GPC6: variants seen among roughly 807,000 people sequenced by gnomAD.
GPC6 encodes the protein glypican-6.
In GPC6, 14 loss-of-function variants were observed where a neutral mutation model predicts 55.2. The observed-to-expected ratio is 0.25, with a 90% CI of 0.17 to 0.40. The LOEUF (loss-of-function observed/expected upper bound fraction) is 0.40, where lower values mean the gene tolerates loss of function less well. Ranked by LOEUF, GPC6 falls within the 10% of genes least tolerant of loss-of-function variation. The probability of loss-of-function intolerance (pLI) is 1.00; values close to 1 mark genes in which losing one functional copy is unlikely to be tolerated. For missense variants in GPC6, 641 were observed against 708.5 expected, an observed-to-expected ratio of 0.90 and a Z score of 1.08; for synonymous variants, 278 against 259.6, an observed-to-expected ratio of 1.07 and a Z score of -0.68.
chr13:93,766,053 T>C (rs761179454), intron 2 of GPC6, among the ~76,000 whole-genome samples: 13 of 152,148 alleles, frequency 8.5e-5, no homozygotes, highest in Non-Finnish European at 1.6e-4. Flanking sequence ...ATACCATGGG[T>C]GTTCTGATAT....
chr13:94,256,385 G>A (rs993475415), intron 4 of GPC6, among the ~76,000 whole-genome samples: 9 of 152,126 alleles, frequency 5.9e-5, no homozygotes, highest in African/African-American at 1.9e-4. Flanking sequence ...TTTTTCCTGG[G>A]TGCATAAGAT....
chr13:94,242,630 C>T (rs914215687), intron 4 of GPC6, among the ~76,000 whole-genome samples: 1 of 152,032 alleles, frequency 6.6e-6, no homozygotes, highest in Admixed American at 6.6e-5. Context: ...CTAAAGCTGG[C>T]TCCTGTGTTT....
intron 3 of GPC6, among the ~76,000 whole-genome samples, chr13:93,932,822 A>G (rs1878242900): frequency 6.6e-6 from 1 of 152,142 alleles, no homozygotes. Context: ...TTTATTTTCT[A>G]GGGCCACTGT....
At chr13:94,344,675 C>T (rs950788264) in intron 6 of GPC6, among the ~76,000 whole-genome samples, 11 of 152,206 alleles carry the variant, frequency 7.2e-5, no homozygotes, top group South Asian at 2.1e-4. Flanking sequence ...CTCCAGCCCC[C>T]GCTAACACCG....
intron 6 of GPC6, among the ~76,000 whole-genome samples, chr13:94,323,725 C>T (rs1876964996): frequency 6.6e-6 from 1 of 152,092 alleles, no homozygotes; most frequent in Non-Finnish European, 1.5e-5. Context: ...TGCACTTGAA[C>T]CCTTTAAACT....
chr13:94,291,072 A>C (rs955760056), intron 5 of GPC6, among the ~76,000 whole-genome samples: 6 of 152,152 alleles, frequency 3.9e-5, no homozygotes, highest in Admixed American at 2.0e-4. Flanking sequence ...CATGCCTGTT[A>C]ATCCCAGCTA....
At chr13:93,745,121 C>T (rs2138854705) in intron 2 of GPC6, among the ~76,000 whole-genome samples, 1 of 152,192 alleles carries the variant, frequency 6.6e-6, no homozygotes, top group African/African-American at 2.4e-5. Flanking sequence ...AGCTCATTCC[C>T]TGGACAAACC....
intron 4 of GPC6, among the ~76,000 whole-genome samples, chr13:94,200,655 G>A (rs1352732257): frequency 1.3e-5 from 2 of 152,168 alleles, no homozygotes; most frequent in Non-Finnish European, 2.9e-5. Flanking sequence ...AGACTTTAGG[G>A]ACATGATAGT....
chr13:93,346,752 T>C (rs1880443869), intron 1 of GPC6, among the ~76,000 whole-genome samples: 1 of 152,220 alleles, frequency 6.6e-6, no homozygotes, highest in South Asian at 2.1e-4. Flanking sequence ...ATAAGTTTTC[T>C]ACATGGGTTT....
intron 2 of GPC6, among the ~76,000 whole-genome samples, chr13:93,815,669 C>A (rs973438324): frequency 3.3e-5 from 5 of 152,086 alleles, no homozygotes; most frequent in African/African-American, 1.2e-4. Flanking sequence ...TAAATTTAAT[C>A]AATGTTAAGC....
chr13:93,340,888 G>A (rs919478665), intron 1 of GPC6, among the ~76,000 whole-genome samples: 3 of 152,080 alleles, frequency 2.0e-5, no homozygotes, highest in South Asian at 2.1e-4. Context: ...ACCTACCACC[G>A]GAGTACTATA....
intron 3 of GPC6, among the ~76,000 whole-genome samples, chr13:93,986,707 C>T (rs1459026586): frequency 1.3e-5 from 2 of 152,124 alleles, no homozygotes; most frequent in African/African-American, 4.8e-5. Flanking sequence ...AAAATGATCA[C>T]TATTCACCAT....
chr13:94,043,014 C>T (rs1883595659), intron 4 of GPC6, among the ~76,000 whole-genome samples: 1 of 151,766 alleles, frequency 6.6e-6, no homozygotes, highest in Admixed American at 6.6e-5. Context: ...TTTTGTTGCT[C>T]AAATTGTTCC....
intron 5 of GPC6, among the ~76,000 whole-genome samples, chr13:94,289,243 TAAAAAG>T (rs900201035): frequency 6.6e-6 from 1 of 151,688 alleles, no homozygotes; most frequent in Non-Finnish European, 1.5e-5. Flanking sequence ...AGCTTAAAGG[TAAAAAG>T]AAAAAGAAAA....
chr13:93,264,421 A>G (rs1877255260), intron 1 of GPC6, among the ~76,000 whole-genome samples: 1 of 151,940 alleles, frequency 6.6e-6, no homozygotes, highest in South Asian at 2.1e-4. Flanking sequence ...ATTTATTATT[A>G]TTTTTTGAGA....
At chr13:93,418,259 G>A (rs1330080660) in intron 1 of GPC6, among the ~76,000 whole-genome samples, 1 of 151,216 alleles carries the variant, frequency 6.6e-6, no homozygotes, top group Non-Finnish European at 1.5e-5. Flanking sequence ...AACCCCTCAA[G>A]CATTTATCCT....
intron 4 of GPC6, among the ~76,000 whole-genome samples, chr13:94,125,156 T>C (rs1420146085): frequency 6.6e-6 from 1 of 152,192 alleles, no homozygotes; most frequent in Non-Finnish European, 1.5e-5. Flanking sequence ...TCTGTGCTCC[T>C]TCTATATGTG....
intron 2 of GPC6, among the ~76,000 whole-genome samples, chr13:93,588,208 T>G (rs1488033095): frequency 6.6e-5 from 10 of 152,226 alleles, no homozygotes; most frequent in African/African-American, 2.2e-4. Context: ...TTTTGTGTAT[T>G]AAGAGGCTAC....
intron 3 of GPC6, among the ~76,000 whole-genome samples, chr13:94,000,935 T>C (rs1012721664): frequency 6.6e-6 from 1 of 152,166 alleles, no homozygotes; most frequent in Non-Finnish European, 1.5e-5. Flanking sequence ...CATAGTTTTC[T>C]TGGGATGCTT....
Sources: allele counts gnomAD v4.1 joint callset (sites outside exome capture counted in the v4.1 genomes callset), GRCh38; gene constraint gnomAD v4.1.1; transcripts MANE v1.5; gene names NCBI Gene and HGNC (gene_info 2026-07-23, HGNC 2026-07-21).